EFCAB6: variants seen among roughly 807,000 people sequenced by gnomAD.
EFCAB6 encodes EF-hand calcium-binding domain-containing protein 6.
A neutral mutation model predicts 169.8 loss-of-function variants in EFCAB6; 156 were observed. The ratio of observed to expected loss-of-function variants is 0.92; its 90% CI spans 0.81 to 1.05. The LOEUF (loss-of-function observed/expected upper bound fraction) is 1.05. Among genes scored for constraint, EFCAB6 ranks in the 50% least tolerant of loss-of-function variants. The pLI is 0.00. For missense variants in EFCAB6, 1,800 were observed against 1,829.1 expected, an observed-to-expected ratio of 0.98 and a Z score of 0.29; for synonymous variants, 698 against 676.4, an observed-to-expected ratio of 1.03 and a Z score of -0.50.
At chr22:43,677,499 A>G (rs1440183643) in intron 13 of EFCAB6, among the ~76,000 whole-genome samples, 2 of 151,982 alleles carry the variant, frequency 1.3e-5, no homozygotes, top group African/African-American at 4.8e-5. Context: ...CACAAAAATT[A>G]CCCGGGCGTA....
chr22:43,542,759 C>A lies in EFCAB6; in HGVS notation c.3649-2402G>T, dbSNP rs192789726. On this transcript the variant is annotated intron_variant, in intron 27 of 31. Coordinates refer to ENST00000262726, the MANE Select transcript of EFCAB6 (RefSeq NM_022785.4). ...TGGAGGCACCTAGAACACCAATGGGCCTAACGGCACCAGGATGGGGGCTGA... is the reference window on the plus strand; with the variant it reads ...TGGAGGCACCTAGAACACCAATGGGACTAACGGCACCAGGATGGGGGCTGA... Among the ~76,000 whole-genome samples the A allele has an allele frequency of 3.3e-5, 5 of 152,166 alleles. No homozygotes were observed. The East Asian group carries it at 9.7e-4, about 30-fold the overall frequency.
At chr22:43,708,321 G>A (rs1041256144) in intron 10 of EFCAB6, among the ~76,000 whole-genome samples, 8 of 152,014 alleles carry the variant, frequency 5.3e-5, no homozygotes, top group Non-Finnish European at 1.0e-4. Flanking sequence ...CAGGAGAATC[G>A]CTTGAACACG....
chr22:43,590,373 T>A, intron 23 of EFCAB6, 144 bp from the exon 24 acceptor site: 1 of 828,870 alleles, frequency 1.2e-6, no homozygotes, highest in Non-Finnish European at 1.8e-6. Context: ...AGCCTCAGTG[T>A]AATACTGACA....
In EFCAB6 at chr22:43,603,679, G is replaced by A. The variant is rs571509336; in HGVS notation, c.2682-3416C>T. Among the ~76,000 whole-genome samples, 18 of 152,382 alleles carry A rather than the reference G, an allele frequency of 1.2e-4. No homozygotes were observed. The East Asian group carries it at 1.7e-3, about 15-fold the overall frequency. On this transcript the variant is annotated intron_variant, in intron 22 of 31. Coordinates refer to ENST00000262726, the MANE Select transcript of EFCAB6 (RefSeq NM_022785.4). ...CCCTAGAGTTACAGGGCAGAATGAGGAGGTGTGGTATAAGCCCTGCTGATG... is the reference window on the plus strand; with the variant it reads ...CCCTAGAGTTACAGGGCAGAATGAGAAGGTGTGGTATAAGCCCTGCTGATG...
At chr22:43,576,549 C>T (rs1037804273) in intron 25 of EFCAB6, 61 bp from the exon 26 acceptor site, 6 of 1,412,202 alleles carry the variant, frequency 4.2e-6, no homozygotes, top group Admixed American at 5.5e-5. Flanking sequence ...TTCTAAAACA[C>T]TTTCCTTAAG....
intron 3 of EFCAB6, 130 bp downstream of exon 3, chr22:43,782,050 C>T (rs2061838812): frequency 2.1e-6 from 2 of 944,884 alleles, no homozygotes; most frequent in Non-Finnish European, 3.0e-6. Flanking sequence ...GGGATAAAAA[C>T]AGAGCCTAAT....
intron 8 of EFCAB6, among the ~76,000 whole-genome samples, chr22:43,717,437 T>C (rs2059372008): frequency 6.6e-6 from 1 of 150,458 alleles, no homozygotes; most frequent in Non-Finnish European, 1.5e-5. Flanking sequence ...CTATTGTTAA[T>C]ATACATGAGA....
chr22:43,751,107 A>C (rs992329201), intron 6 of EFCAB6, among the ~76,000 whole-genome samples: 1 of 152,248 alleles, frequency 6.6e-6, no homozygotes, highest in African/African-American at 2.4e-5. Context: ...AAGAGCAAAC[A>C]GCCTGGGGCT....
chr22:43,675,843 A>C (rs2057733948), intron 13 of EFCAB6, among the ~76,000 whole-genome samples: 1 of 150,948 alleles, frequency 6.6e-6, no homozygotes, highest in Admixed American at 6.6e-5. Flanking sequence ...TATATCCAGC[A>C]ACATAAAAAT....
chr22:43,634,029 G>A (rs1569288550), intron 18 of EFCAB6, among the ~76,000 whole-genome samples: 2 of 152,122 alleles, frequency 1.3e-5, no homozygotes, highest in Admixed American at 6.5e-5. Flanking sequence ...GGAAGTGAGG[G>A]GAGGAGAACA....
intron 10 of EFCAB6, among the ~76,000 whole-genome samples, chr22:43,698,203 C>G (rs2058645098): frequency 6.6e-6 from 1 of 152,126 alleles, no homozygotes; most frequent in African/African-American, 2.4e-5. Flanking sequence ...GCCAAGTATC[C>G]AACCGGTCAA....
At chr22:43,651,151 TCA>T (rs1455870038) in intron 17 of EFCAB6, among the ~76,000 whole-genome samples, 1 of 152,186 alleles carries the variant, frequency 6.6e-6, no homozygotes, top group Non-Finnish European at 1.5e-5. Flanking sequence ...TCAGAGGTCT[TCA>T]CAGCAGCCCC....
At chr22:43,547,863 G>A (rs951272689) in intron 27 of EFCAB6, among the ~76,000 whole-genome samples, 11 of 151,936 alleles carry the variant, frequency 7.2e-5, no homozygotes, top group South Asian at 4.2e-4. Context: ...AGGCCGAGGC[G>A]GGTAGATCAC....
At chr22:43,722,660 A>C (rs2059578758) in intron 8 of EFCAB6, among the ~76,000 whole-genome samples, 1 of 152,230 alleles carries the variant, frequency 6.6e-6, no homozygotes, top group African/African-American at 2.4e-5. Context: ...TTTCTCAAAG[A>C]ATTTAAAACA....
intron 17 of EFCAB6, among the ~76,000 whole-genome samples, chr22:43,658,237 TATAAAATAAA>T (rs538478994): frequency 5.9e-5 from 9 of 151,718 alleles, no homozygotes; most frequent in African/African-American, 1.2e-4. Flanking sequence ...GTCTCAAAAA[TATAAAATAAA>T]ATAAAATAAA....
At chr22:43,606,457 G>A (rs1467996662) in intron 22 of EFCAB6, among the ~76,000 whole-genome samples, 1 of 152,214 alleles carries the variant, frequency 6.6e-6, no homozygotes, top group African/African-American at 2.4e-5. Flanking sequence ...AATGTACTGA[G>A]TGGTTACTGC....
intron 23 of EFCAB6, among the ~76,000 whole-genome samples, chr22:43,594,275 CAAAAAAAA>C (rs750560174): frequency 2.5e-5 from 2 of 81,490 alleles, no homozygotes; most frequent in East Asian, 2.6e-4. Context: ...AACTCTGTTT[CAAAAAAAA>C]AAAAAAAAAA....
At chr22:43,676,244 C>T (rs571489919) in intron 13 of EFCAB6, among the ~76,000 whole-genome samples, 5 of 151,792 alleles carry the variant, frequency 3.3e-5, no homozygotes, top group Admixed American at 1.3e-4. Flanking sequence ...GGTGAAACCC[C>T]GTCTCTACTA....
chr22:43,768,506 G>T (rs1463200584), intron 4 of EFCAB6, among the ~76,000 whole-genome samples: 3 of 152,174 alleles, frequency 2.0e-5, no homozygotes, highest in Non-Finnish European at 4.4e-5. Flanking sequence ...CAGATGCTGG[G>T]AAGTCTGTGG....
Sources: allele counts gnomAD v4.1 joint callset (sites outside exome capture counted in the v4.1 genomes callset), GRCh38; gene constraint gnomAD v4.1.1; transcripts MANE v1.5; gene names NCBI Gene and HGNC (gene_info 2026-07-23, HGNC 2026-07-21).